CYSLTR1: variants seen among roughly 807,000 people sequenced by gnomAD.
CYSLTR1 encodes the protein G-protein coupled receptor HG55.
In CYSLTR1, 1 loss-of-function variant was observed where a neutral mutation model predicts 2.1. The observed-to-expected ratio is 0.48, with a 90% CI of 0.17 to 2.28. The LOEUF is 2.28. CYSLTR1 is among the 30% of genes most tolerant of loss of function. CYSLTR1 has a pLI of 0.26. For synonymous variants in CYSLTR1, 110 were observed against 89.6 expected (o/e 1.23, Z -1.28); for missense variants, 299 against 250.1 (o/e 1.20, Z -1.32).
intron 2 of CYSLTR1, among the ~76,000 whole-genome samples, chrX:78,277,549 A>G (rs1326287293): frequency 9.0e-6 from 1 of 111,499 alleles, no homozygotes; most frequent in Non-Finnish European, 1.9e-5. Context: ...TACTGGGAAC[A>G]CCTTGGTTCC....
At chrX:78,274,945 A>C (rs1340312644) in intron 2 of CYSLTR1, among the ~76,000 whole-genome samples, 4 of 112,219 alleles carry the variant, frequency 3.6e-5, no homozygotes, top group African/African-American at 6.5e-5. Context: ...TCTCAAAAGA[A>C]GACATTTATG....
intron 1 of CYSLTR1, among the ~76,000 whole-genome samples, chrX:78,309,175 G>A (rs939166756): frequency 1.8e-5 from 2 of 111,109 alleles, no homozygotes; most frequent in Non-Finnish European, 3.8e-5. Flanking sequence ...GAGAGAAGGC[G>A]GGAGAGAGAG....
At position 78,272,601 on chromosome X, in the gene CYSLTR1, T is replaced by G; in HGVS notation, c.*132A>C. ...TAATCATGTGGATGCATAAATGAGA[T>G]AGAGTTGTAGGCCCAAATAGTTAAG... is the stretch of plus-strand genomic sequence containing the variant. On this transcript the variant is annotated 3_prime_UTR_variant, in exon 3 of 3. Transcript: ENST00000373304. 1 of 604,434 alleles carries G rather than the reference T, an allele frequency of 1.7e-6. No individual in the cohort carries two copies. The highest frequency in any genetic ancestry group is 2.4e-6 in the Non-Finnish European group (1 of 423,007). 49.8% of individuals were successfully genotyped at this position (604,434 alleles called of 1,213,427 possible).
intron 1 of CYSLTR1, among the ~76,000 whole-genome samples, chrX:78,310,507 T>A (rs1303351802): frequency 3.6e-5 from 4 of 112,424 alleles, no homozygotes; most frequent in African/African-American, 1.3e-4. Flanking sequence ...CCACTTAATA[T>A]GTATCAATTC....
chrX:78,301,205 C>T (rs955619000), intron 1 of CYSLTR1, among the ~76,000 whole-genome samples: 1 of 112,419 alleles, frequency 8.9e-6, no homozygotes, highest in East Asian at 2.8e-4. Flanking sequence ...GCTCTAGAGA[C>T]ATTTTCCCCA....
chrX:78,326,456 G>T (rs897279735), intron 1 of CYSLTR1, among the ~76,000 whole-genome samples: 6 of 111,864 alleles, frequency 5.4e-5, no homozygotes, highest in African/African-American at 1.9e-4. Flanking sequence ...TTCTCTCTAG[G>T]TTTCAAAATA....
intron 2 of CYSLTR1, among the ~76,000 whole-genome samples, chrX:78,279,344 C>T (rs968122936): frequency 2.7e-5 from 3 of 111,405 alleles, no homozygotes; most frequent in Non-Finnish European, 5.7e-5. Flanking sequence ...AACAAACATA[C>T]GAAAAAATGC....
At position 78,273,288 on chromosome X, in the gene CYSLTR1, C is replaced by G; in HGVS notation, c.459G>C (p.Leu153Phe). ...VCVGIWIFVILTSSPFLMAKP... is the reference protein window; with the variant it reads ...VCVGIWIFVIFTSSPFLMAKP... ...TGGCCATTAGAAATGGAGAACTGGT[C>G]AAAATCACAAAAATCCAAATACCTA... The change falls in exon 3 of 3, where the codon TTG becomes TTC. Residue 153 changes from leucine to phenylalanine, a missense_variant. Physicochemically the swap from Leu to Phe is conservative, Grantham distance 22. Transcript: ENST00000373304. The G allele has an allele frequency of 8.3e-7, 1 of 1,209,329 alleles. No homozygotes were observed. The highest frequency in any genetic ancestry group is 1.1e-6 in the Non-Finnish European group (1 of 894,233).
At chrX:78,324,516 C>T (rs754658081) in intron 1 of CYSLTR1, among the ~76,000 whole-genome samples, 1 of 111,232 alleles carries the variant, frequency 9.0e-6, no homozygotes, top group South Asian at 3.8e-4. Flanking sequence ...TACAGGCATG[C>T]CTCATGACAC....
chrX:78,274,989 C>T (rs1288721070), intron 2 of CYSLTR1, among the ~76,000 whole-genome samples: 1 of 111,696 alleles, frequency 9.0e-6, no homozygotes, highest in Non-Finnish European at 1.9e-5. Context: ...TGCTCATCAT[C>T]ACTGGCCATC....
At chrX:78,274,132 G>A (rs972460594) in intron 2 of CYSLTR1, among the ~76,000 whole-genome samples, 4 of 111,423 alleles carry the variant, frequency 3.6e-5, no homozygotes, top group African/African-American at 1.3e-4. Context: ...AAAGCTTTAA[G>A]AAGCAGTTTC....
chrX:78,324,447 G>A (rs764646822), intron 1 of CYSLTR1, among the ~76,000 whole-genome samples: 12 of 111,465 alleles, frequency 1.1e-4, no homozygotes, highest in African/African-American at 3.9e-4. Context: ...GGCTCACTGC[G>A]ACCTCCACCA....
chrX:78,283,141 T>C (rs1224009433), intron 2 of CYSLTR1, among the ~76,000 whole-genome samples: 1 of 111,519 alleles, frequency 9.0e-6, no homozygotes, highest in South Asian at 3.8e-4. Flanking sequence ...TTTACCGTGA[T>C]CCCCCAATAA....
chrX:78,305,203 G>A lies in CYSLTR1; in HGVS notation c.-114-21663C>T, dbSNP rs115091901. Among the ~76,000 whole-genome samples, 719 of 112,071 alleles carry A rather than the reference G, an allele frequency of 6.4e-3. 8 individuals carry two copies. The highest frequency in any genetic ancestry group is 0.023 in the African/African-American group (697 of 30,880). On this transcript the variant is annotated intron_variant, in intron 1 of 2. Coordinates refer to ENST00000373304, the MANE Select transcript of CYSLTR1 (RefSeq NM_006639.4). ...TGGGCCCTTAATAACTTAAACAAAT[G>A]AGTCCTCTTTGCCCCAAGTAAAAAC...
chrX:78,285,199 G>A (rs924427406), intron 1 of CYSLTR1, among the ~76,000 whole-genome samples: 3 of 110,716 alleles, frequency 2.7e-5, no homozygotes, highest in South Asian at 3.9e-4. Flanking sequence ...TTGGGAGGCC[G>A]AGGCGGGCGG....
chrX:78,274,738 T>C (rs780709546), intron 2 of CYSLTR1, among the ~76,000 whole-genome samples: 1 of 110,480 alleles, frequency 9.1e-6, no homozygotes, highest in East Asian at 2.8e-4. Context: ...TGGGATCTAA[T>C]TAACTAAAGA....
rs987248683 is a variant in CYSLTR1 at position 78,271,580 on chromosome X, C to A, written c.*1153G>T. ...TTGTCCACGCATATTATATTTCAGC[C>A]GTAGATGAGTTGTTGTGGCTGTTTT... is the stretch of plus-strand genomic sequence containing the variant. On this transcript the variant is annotated 3_prime_UTR_variant, in exon 3 of 3. Transcript: ENST00000373304. 1.8e-5 allele frequency: 2 copies of A among 111,710 alleles called. No individual in the cohort carries two copies. The highest frequency in any genetic ancestry group is 3.8e-5 in the Non-Finnish European group (2 of 53,113). 9.2% of individuals were successfully genotyped at this position (111,710 alleles called of 1,213,427 possible).
chrX:78,273,958 T>A (rs1311572902), intron 2 of CYSLTR1, among the ~76,000 whole-genome samples, 185 bp from the exon 3 acceptor site: 1 of 110,690 alleles, frequency 9.0e-6, no homozygotes, highest in Non-Finnish European at 1.9e-5. Flanking sequence ...CCTACAGGTA[T>A]CCAGAAAACT....
At chrX:78,273,824 G>A in intron 2 of CYSLTR1, 51 bp from the exon 3 acceptor site, 3 of 1,013,476 alleles carry the variant, frequency 3.0e-6, no homozygotes, top group South Asian at 4.7e-5. Context: ...TAAATTACAG[G>A]AAGTACTAAT....
Sources: allele counts gnomAD v4.1 joint callset (sites outside exome capture counted in the v4.1 genomes callset), GRCh38; gene constraint gnomAD v4.1.1; transcripts MANE v1.5; gene names NCBI Gene and HGNC (gene_info 2026-07-23, HGNC 2026-07-21).